DNAH5: variants seen among roughly 807,000 people sequenced by gnomAD.
The protein encoded by DNAH5 is dynein axonemal heavy chain 5.
DNAH5 carries 372 observed loss-of-function variants against 518.2 expected under a neutral mutation model. The ratio of observed to expected loss-of-function variants is 0.72; its 90% confidence interval spans 0.66 to 0.78. The LOEUF (loss-of-function observed/expected upper bound fraction) is 0.78, where lower values mean the gene tolerates loss of function less well. Ranked by LOEUF, DNAH5 falls within the 30% of genes least tolerant of loss-of-function variation. The pLI is 0.00. For synonymous variants in DNAH5, 2,039 were observed against 2,025.9 expected, an observed-to-expected ratio of 1.01 and a Z score of -0.17; for missense variants, 5,523 against 5,687.0, an observed-to-expected ratio of 0.97 and a Z score of 0.93.
intron 43 of DNAH5, 26 bp from the exon 44 acceptor site, chr5:13,811,849 C>T: frequency 6.2e-7 from 1 of 1,612,782 alleles, no homozygotes; most frequent in Non-Finnish European, 8.5e-7. Context: ...CAAGTGTATT[C>T]ATGAAACTTA....
chr5:13,835,821 C>T (rs1002434872), intron 35 of DNAH5, among the ~76,000 whole-genome samples: 3 of 152,138 alleles, frequency 2.0e-5, no homozygotes, highest in African/African-American at 4.8e-5. Flanking sequence ...CTTTCCACCC[C>T]ATGAAACGAC....
At chr5:13,732,597 G>A (rs1332535995) in intron 68 of DNAH5, among the ~76,000 whole-genome samples, 1 of 152,020 alleles carries the variant, frequency 6.6e-6, no homozygotes, top group Non-Finnish European at 1.5e-5. Context: ...TTGAACTCCT[G>A]ACCTCAAGTG....
intron 63 of DNAH5, 33 bp downstream of exon 63, chr5:13,753,200 C>A: frequency 6.5e-7 from 1 of 1,527,204 alleles, no homozygotes; most frequent in Non-Finnish European, 9.0e-7. Context: ...TAAAACTTAA[C>A]CGGTAGCATA....
chr5:13,776,679 T>C lies in DNAH5; in HGVS notation c.9133A>G (p.Ile3045Val), dbSNP rs1561228509. The C allele has an allele frequency of 1.2e-6, 2 of 1,613,760 alleles. No individual in the cohort carries two copies. Among genetic ancestry groups the C allele is most frequent in the Non-Finnish European group, 8.5e-7 (1 of 1,179,786 alleles). The change falls in exon 55 of 79, where the codon ATT becomes GTT. Residue 3045 changes from isoleucine (I) to valine (V), a missense_variant. This residue lies in a region of DNAH5 where 5,121 missense variants were observed against 5,223.3 expected (regional missense o/e 0.98). Coordinates refer to ENST00000265104, the MANE Select transcript of DNAH5 (RefSeq NM_001369.3). ...GCCAGGTCGCTATTAATTTCATCAA[T>C]TTCATCTCGAGCAAATAGGTTAGAG... ...EVSNLFARDE[I>V]DEINSDLASV... is the part of the protein sequence containing the mutation.
intron 30 of DNAH5, among the ~76,000 whole-genome samples, chr5:13,854,735 C>G (rs1236608197): frequency 6.6e-6 from 1 of 152,112 alleles, no homozygotes; most frequent in African/African-American, 2.4e-5. Flanking sequence ...TCTGATAAGA[C>G]AGACTTTAAA....
chr5:13,817,482 T>G (rs1055175333), intron 42 of DNAH5, 66 bp downstream of exon 42: 1 of 1,521,134 alleles, frequency 6.6e-7, no homozygotes, highest in African/African-American at 1.4e-5. Context: ...CTACTAATTC[T>G]GTATAGCCTC....
intron 30 of DNAH5, among the ~76,000 whole-genome samples, chr5:13,851,964 T>G (rs1423523261): frequency 1.3e-5 from 2 of 151,370 alleles, no homozygotes; most frequent in Non-Finnish European, 2.9e-5. Flanking sequence ...ACCTGAGAAG[T>G]GAAAAGGTTT....
chr5:13,855,181 T>C (rs1278549466), intron 30 of DNAH5, among the ~76,000 whole-genome samples: 1 of 151,628 alleles, frequency 6.6e-6, no homozygotes, highest in Admixed American at 6.6e-5. Context: ...CCACTCCACA[T>C]AGATTTTCAT....
intron 35 of DNAH5, among the ~76,000 whole-genome samples, chr5:13,836,573 A>T (rs930517098): frequency 2.6e-5 from 4 of 152,182 alleles, no homozygotes; most frequent in African/African-American, 9.7e-5. Context: ...GAAAGACGAG[A>T]TCCAGGAAAA....
intron 33 of DNAH5, 25 bp downstream of exon 33, chr5:13,841,665 CAT>C (rs1561403917): frequency 6.4e-7 from 1 of 1,558,258 alleles, no homozygotes; most frequent in Middle Eastern, 1.7e-4. Context: ...TTTTACAAAA[CAT>C]ACTTTCAAAT....
At chr5:13,898,234 G>A (rs1293388475) in intron 15 of DNAH5, 7 of 226,366 alleles carry the variant, frequency 3.1e-5, no homozygotes, top group Admixed American at 2.8e-4. Context: ...ATAATGATAC[G>A]GTTATTGTAA....
At chr5:13,820,892 C>T (rs1023269381) in intron 40 of DNAH5, among the ~76,000 whole-genome samples, 1 of 147,418 alleles carries the variant, frequency 6.8e-6, no homozygotes, top group African/African-American at 2.5e-5. Flanking sequence ...AAAAAATACA[C>T]AGACATAGGG....
At position 13,845,516 on chromosome 5, in the gene DNAH5, A is replaced by G. The variant is rs73055828; in HGVS notation, c.5115-523T>C. 8.7e-3 allele frequency among the ~76,000 whole-genome samples: 1,321 copies of G among 152,066 alleles called. 20 individuals carry two copies. The highest frequency in any genetic ancestry group is 0.03 in the African/African-American group (1,259 of 41,462). On this transcript the variant is annotated intron_variant, in intron 31 of 78. Transcript: ENST00000265104. ...CCAGCTGTGACGAGCTCCATGGAAA[A>G]GCTGTGGCACTCGTCTCTGCTTCCA...
intron 49 of DNAH5, among the ~76,000 whole-genome samples, chr5:13,793,214 TCATGTATG>T (rs1757273683): frequency 6.6e-6 from 1 of 152,144 alleles, no homozygotes; most frequent in Non-Finnish European, 1.5e-5. Context: ...GGAAACAACC[TCATGTATG>T]GGGAAACAAT....
At position 13,777,240 on chromosome 5, in the gene DNAH5, A is replaced by C; in HGVS notation, c.9067T>G (p.Phe3023Val). Residue 3023 changes from phenylalanine to valine, a missense_variant, in exon 54 of 79, where the codon TTT (phenylalanine) becomes GTT (valine). By Grantham distance (50) the Phe-to-Val change is conservative. Coordinates refer to ENST00000265104, the MANE Select transcript of DNAH5 (RefSeq NM_001369.3). ...AAAACATTGTTCATATATTCCAAAAATGACTCATCTTTAATCTCATTGTCT... is the reference window on the plus strand; with the variant it reads ...AAAACATTGTTCATATATTCCAAAACTGACTCATCTTTAATCTCATTGTCT... Reference protein sequence around the residue: ...FTDNEIKDESFLEYMNNVLSS... With the variant: ...FTDNEIKDESVLEYMNNVLSS... 1 of 1,613,080 alleles carries C rather than the reference A, an allele frequency of 6.2e-7. No individual in the cohort carries two copies. Among genetic ancestry groups the C allele is most frequent in the South Asian group, 1.1e-5 (1 of 91,052 alleles).
At chr5:13,818,989 C>T (rs1206690750) in intron 41 of DNAH5, among the ~76,000 whole-genome samples, 1 of 152,210 alleles carries the variant, frequency 6.6e-6, no homozygotes, top group African/African-American at 2.4e-5. Context: ...ATGATTAATT[C>T]TTCTTTGCAA....
At chr5:13,807,564 T>C in intron 47 of DNAH5, 27 bp downstream of exon 47, 1 of 1,611,190 alleles carries the variant, frequency 6.2e-7, no homozygotes, top group Non-Finnish European at 8.5e-7. Flanking sequence ...AAATTGGGCT[T>C]ACTGAGCCAT....
rs1783136834 is a variant in DNAH5 at position 13,987,475 on chromosome 5, A to C, written c.12+24173T>G. Among the ~76,000 whole-genome samples, 3 of 152,254 alleles carry C rather than the reference A, an allele frequency of 2.0e-5. No homozygotes were observed. The South Asian group carries it at 6.2e-4, about 32-fold the overall frequency. Reference sequence around the variant, plus strand: ...ATAACACTAATCAACTGCTCACACCAGAGAATGAAAATAAGATATTAGCAA... The same window carrying C: ...ATAACACTAATCAACTGCTCACACCCGAGAATGAAAATAAGATATTAGCAA... On this transcript the variant is annotated intron_variant, in intron 1 of 78. Transcript: ENST00000681290.
chr5:13,896,065 G>A (rs1160387545), intron 15 of DNAH5, among the ~76,000 whole-genome samples: 4 of 151,822 alleles, frequency 2.6e-5, no homozygotes, highest in African/African-American at 7.3e-5. Flanking sequence ...GCCAATGATG[G>A]CAGTAACTGT....
Sources: allele counts gnomAD v4.1 joint callset (sites outside exome capture counted in the v4.1 genomes callset), GRCh38; gene constraint gnomAD v4.1.1; regional missense constraint gnomAD v4.1.1; transcripts MANE v1.5; gene names NCBI Gene and HGNC (gene_info 2026-07-23, HGNC 2026-07-21).